Variants in CPNE8 observed in about 807,000 individuals in gnomAD.
CPNE8 encodes copine 8.
A neutral mutation model predicts 81.5 loss-of-function variants in CPNE8; 45 were observed. The observed-to-expected ratio is 0.55, with a 90% CI of 0.44 to 0.71. CPNE8 has a LOEUF of 0.71. CPNE8 is among the 30% of genes least tolerant of loss of function. The pLI is 0.00. For missense variants in CPNE8, 594 were observed against 672.1 expected, an observed-to-expected ratio of 0.88 and a Z score of 1.28; for synonymous variants, 252 against 226.3, an observed-to-expected ratio of 1.11 and a Z score of -1.02.
rs190178466 is a variant in CPNE8, at chr12:38,654,117, A to T, written c.1507-47T>A. 73 of 1,534,296 alleles carry T rather than the reference A, an allele frequency of 4.8e-5. No homozygotes were observed. In the East Asian group the frequency reaches 1.7e-3, roughly 36 times the overall value. On this transcript the variant is annotated intron_variant, in intron 19 of 19. Coordinates refer to ENST00000331366, the MANE Select transcript of CPNE8 (RefSeq NM_153634.3). ...GTTATTTCACAGACTTTAGCAGGCT[A>T]TGTAATAAACACAAAAAATCAACAC...
At chr12:38,826,469 A>G (rs1349846620) in intron 6 of CPNE8, among the ~76,000 whole-genome samples, 3 of 152,162 alleles carry the variant, frequency 2.0e-5, no homozygotes, top group Non-Finnish European at 4.4e-5. Flanking sequence ...CCCCGCCCTT[A>G]GCAAGAGCTA....
At chr12:38,772,666 AG>A (rs1235872269) in intron 7 of CPNE8, among the ~76,000 whole-genome samples, 3 of 152,180 alleles carry the variant, frequency 2.0e-5, no homozygotes, top group Admixed American at 6.5e-5. Flanking sequence ...CACTGTTGCT[AG>A]GAATGCAAAT....
intron 10 of CPNE8, among the ~76,000 whole-genome samples, chr12:38,757,311 G>T (rs916462265): frequency 2.0e-5 from 3 of 151,726 alleles, no homozygotes; most frequent in Non-Finnish European, 4.4e-5. Context: ...TCCTATCATA[G>T]TCACTCTGAT....
intron 10 of CPNE8, among the ~76,000 whole-genome samples, chr12:38,744,401 T>A (rs939447192): frequency 4.6e-5 from 7 of 152,186 alleles, no homozygotes; most frequent in African/African-American, 1.7e-4. Context: ...CCATTCAAAA[T>A]CTAAGTCCAT....
chr12:38,798,988 A>G (rs1942582590), intron 6 of CPNE8, among the ~76,000 whole-genome samples: 1 of 152,190 alleles, frequency 6.6e-6, no homozygotes, highest in East Asian at 1.9e-4. Flanking sequence ...CAATTCAATA[A>G]GAAGAGCTAA....
intron 1 of CPNE8, among the ~76,000 whole-genome samples, chr12:38,881,231 A>C (rs1045397799): frequency 6.6e-6 from 1 of 151,418 alleles, no homozygotes; most frequent in African/African-American, 2.4e-5. Flanking sequence ...AAAAAGAAAT[A>C]TTTTAAAACC....
intron 16 of CPNE8, among the ~76,000 whole-genome samples, chr12:38,681,811 C>T (rs768295413): frequency 2.6e-5 from 4 of 152,162 alleles, no homozygotes; most frequent in Admixed American, 6.6e-5. Context: ...TATCTATGTC[C>T]ATGTCTATAT....
At chr12:38,844,048 ATG>A (rs1943514643) in intron 4 of CPNE8, among the ~76,000 whole-genome samples, 1 of 152,216 alleles carries the variant, frequency 6.6e-6, no homozygotes, top group Non-Finnish European at 1.5e-5. Flanking sequence ...CACAGTTGAC[ATG>A]GTGTTGGGAC....
At chr12:38,862,325 T>C (rs1181082589) in intron 3 of CPNE8, among the ~76,000 whole-genome samples, 2 of 151,842 alleles carry the variant, frequency 1.3e-5, no homozygotes, top group Non-Finnish European at 2.9e-5. Context: ...TGGAAACATA[T>C]GAGTTTAATT....
intron 6 of CPNE8, among the ~76,000 whole-genome samples, chr12:38,806,211 C>G (rs1183359959): frequency 2.7e-5 from 4 of 150,306 alleles, no homozygotes; most frequent in African/African-American, 7.2e-5. Flanking sequence ...TGAAACTATT[C>G]CAATCAATAG....
intron 6 of CPNE8, among the ~76,000 whole-genome samples, chr12:38,806,771 G>A (rs1241003728): frequency 6.8e-6 from 1 of 147,198 alleles, no homozygotes; most frequent in African/African-American, 2.4e-5. Context: ...GGCAGGAGAA[G>A]GAAATAAAGG....
At chr12:38,762,386 T>A (rs2136853623) in intron 8 of CPNE8, among the ~76,000 whole-genome samples, 170 bp from the exon 9 acceptor site, 1 of 152,332 alleles carries the variant, frequency 6.6e-6, no homozygotes, top group East Asian at 1.9e-4. Flanking sequence ...AAAGATCACC[T>A]CACCATAACC....
intron 19 of CPNE8, among the ~76,000 whole-genome samples, chr12:38,668,331 G>C (rs1939103647): frequency 6.6e-6 from 1 of 152,072 alleles, no homozygotes; most frequent in Admixed American, 6.6e-5. Flanking sequence ...TAGATCATTG[G>C]TGTCCTATCT....
chr12:38,803,707 G>A (rs1456089099), intron 6 of CPNE8, among the ~76,000 whole-genome samples: 1 of 150,648 alleles, frequency 6.6e-6, no homozygotes, highest in Non-Finnish European at 1.5e-5. Flanking sequence ...AGGAAAAAAA[G>A]GAAGTCAAAT....
intron 6 of CPNE8, among the ~76,000 whole-genome samples, chr12:38,783,001 C>A (rs1349040655): frequency 6.6e-6 from 1 of 152,040 alleles, no homozygotes; most frequent in East Asian, 1.9e-4. Flanking sequence ...CTTTTACATG[C>A]AGTTGAAATT....
chr12:38,744,989 T>G (rs1011215440), intron 10 of CPNE8, among the ~76,000 whole-genome samples: 2 of 152,216 alleles, frequency 1.3e-5, no homozygotes, highest in African/African-American at 4.8e-5. Context: ...ATTCTACAGA[T>G]ATTTTCCCAC....
At chr12:38,778,026 C>G (rs1053727364) in intron 6 of CPNE8, among the ~76,000 whole-genome samples, 1 of 152,218 alleles carries the variant, frequency 6.6e-6, no homozygotes, top group Non-Finnish European at 1.5e-5. Flanking sequence ...CCATCACCCC[C>G]ACATGGGACC....
rs1223525554 is a variant in CPNE8, at chr12:38,905,301, C to A, written c.98+136G>T. ...TCACCTGACCCGGGGTAACTCCAGC[C>A]CCACTACTGAGATATTTCCCACTCA... On this transcript the variant is annotated intron_variant, in intron 1 of 19. Coordinates refer to ENST00000331366, the MANE Select transcript of CPNE8 (RefSeq NM_153634.3). 5 of 971,572 alleles carry A rather than the reference C, an allele frequency of 5.1e-6. No individual in the cohort carries two copies. In the East Asian group the frequency reaches 1.3e-4, roughly 26 times the overall value. The allele number at this position is 971,572 out of a possible 1,614,324, so 60.2% of individuals were successfully genotyped here.
chr12:38,822,849 G>A (rs1200591620), intron 6 of CPNE8, among the ~76,000 whole-genome samples: 1 of 152,142 alleles, frequency 6.6e-6, no homozygotes, highest in African/African-American at 2.4e-5. Context: ...ACCATCTTCT[G>A]AGTCCAGCCC....
Sources: gnomAD v4.1 joint callset for allele counts (sites outside exome capture counted in the v4.1 genomes callset) on GRCh38, gnomAD v4.1.1 for gene constraint, MANE v1.5 for transcripts, NCBI Gene and HGNC (gene_info 2026-07-23, HGNC 2026-07-21) for gene names.